GPC3: variants seen among roughly 807,000 people sequenced by gnomAD.
GPC3 encodes the protein glypican 3.
Under a neutral mutation model 34.4 loss-of-function variants are expected in GPC3, and 3 were observed. The ratio of observed to expected loss-of-function variants is 0.09; its 90% CI spans 0.04 to 0.23. The LOEUF (loss-of-function observed/expected upper bound fraction) is 0.23, where lower values mean the gene tolerates loss of function less well. GPC3 is among the 10% of genes least tolerant of loss of function. The pLI, the probability that GPC3 is intolerant of heterozygous loss-of-function variation, is 1.00. For missense variants in GPC3, 351 were observed against 445.6 expected, an observed-to-expected ratio of 0.79 and a Z score of 1.91; for synonymous variants, 177 against 174.0, an observed-to-expected ratio of 1.02 and a Z score of -0.13.
At chrX:133,615,553 A>T (rs1005637674) in intron 6 of GPC3, among the ~76,000 whole-genome samples, 9 of 110,144 alleles carry the variant, frequency 8.2e-5, no homozygotes, top group African/African-American at 2.6e-4. Flanking sequence ...GAGCTGAACA[A>T]TGAGAGCACA....
rs145724491 is a variant in GPC3, at chrX:133,579,180, C to T, written c.1573+17260G>A. Among the ~76,000 whole-genome samples, 1,013 of 112,259 alleles carry T rather than the reference C, an allele frequency of 9.0e-3. 15 individuals are homozygous for T. The highest frequency in any genetic ancestry group is 0.029 in the African/African-American group (908 of 30,876). ...GTTTCAGACTCAGCTCAGTTTCTGA[C>T]GACCCAAGGCTGGGTGTGAAGCTTT... On this transcript the variant is annotated intron_variant, in intron 7 of 7. Transcript: ENST00000370818.
At chrX:133,631,352 T>C (rs1000712681) in intron 6 of GPC3, among the ~76,000 whole-genome samples, 2 of 112,072 alleles carry the variant, frequency 1.8e-5, no homozygotes. Flanking sequence ...AGTCAAACAA[T>C]ATTTGTCCTT....
At chrX:133,749,884 C>T (rs1318610856) in intron 3 of GPC3, among the ~76,000 whole-genome samples, 1 of 111,084 alleles carries the variant, frequency 9.0e-6, no homozygotes, top group Non-Finnish European at 1.9e-5. Context: ...TCTGCAGCTC[C>T]GACTCCCCCT....
intron 7 of GPC3, 41 bp from the exon 8 acceptor site, chrX:133,536,334 C>T (rs1353874869): frequency 1.3e-5 from 13 of 1,022,670 alleles, no homozygotes; most frequent in Non-Finnish European, 1.5e-5. Context: ...CAAGTCTACC[C>T]ATAGCCTCAG....
chrX:133,763,162 G>A, intron 2 of GPC3: 1 of 721,944 alleles, frequency 1.4e-6, no homozygotes, highest in Non-Finnish European at 2.2e-6. Context: ...GCAGCTTCTT[G>A]TGGTTACTGA....
chrX:133,558,895 A>ATAAG lies in GPC3; in HGVS notation c.1574-22606_1574-22603dup, dbSNP rs201130203. ...AACAGAGCAAGACTCTGTCTCAAAA[A>ATAAG]TAAGTAAGTAAATAAATAAATAAAT... On this transcript the variant is annotated intron_variant, in intron 7 of 7. Transcript: ENST00000370818. Among the ~76,000 whole-genome samples, 783 of 101,991 alleles carry ATAAG rather than the reference A, an allele frequency of 7.7e-3. 10 individuals are homozygous for ATAAG. Among genetic ancestry groups the ATAAG allele is most frequent in the African/African-American group, 0.028 (723 of 25,473 alleles). The allele number at this position is 101,991 out of a possible 115,157, so 88.6% of individuals were successfully genotyped here.
chrX:133,539,576 T>C (rs1185203266), intron 7 of GPC3, among the ~76,000 whole-genome samples: 1 of 112,378 alleles, frequency 8.9e-6, no homozygotes, highest in Non-Finnish European at 1.9e-5. Flanking sequence ...TCAACAATGA[T>C]GGCCAAAGCC....
chrX:133,860,139 CT>C (rs772193586), intron 2 of GPC3, among the ~76,000 whole-genome samples: 1 of 111,820 alleles, frequency 8.9e-6, no homozygotes, highest in East Asian at 2.8e-4. Flanking sequence ...CAACATGAGA[CT>C]TGGCAGGGAC....
chrX:133,919,597 G>A (rs1475093206), intron 2 of GPC3, among the ~76,000 whole-genome samples: 14 of 111,043 alleles, frequency 1.3e-4, no homozygotes, highest in Non-Finnish European at 3.8e-5. Flanking sequence ...TAAGGTGGGA[G>A]GATTGCCTGA....
At chrX:133,703,749 C>T (rs1055220628) in intron 3 of GPC3, among the ~76,000 whole-genome samples, 7 of 111,894 alleles carry the variant, frequency 6.3e-5, no homozygotes, top group Non-Finnish European at 9.4e-5. Flanking sequence ...CGTGAGCCAC[C>T]GCGCCCAGCC....
rs1049965977 is a variant in GPC3, at chrX:133,587,540, T to C, written c.1573+8900A>G. Among the ~76,000 whole-genome samples the C allele has an allele frequency of 3.6e-5, 4 of 112,148 alleles. No homozygotes were observed. The Admixed American group carries it at 3.8e-4, about 11-fold the overall frequency. On this transcript the variant is annotated intron_variant, in intron 7 of 7. Transcript: ENST00000370818. ...TCTCCACACTGTTCTTTATAGTAGC[T>C]GTACTAGTGTATATTGCCACCAACA...
At chrX:133,940,808 C>T (rs987161296) in intron 2 of GPC3, among the ~76,000 whole-genome samples, 5 of 112,548 alleles carry the variant, frequency 4.4e-5, no homozygotes, top group South Asian at 3.7e-4. Flanking sequence ...CCAGAAAGAA[C>T]ATACTTTGTT....
chrX:133,872,540 C>A (rs1377513372), intron 2 of GPC3, among the ~76,000 whole-genome samples: 1 of 111,634 alleles, frequency 9.0e-6, no homozygotes, highest in Admixed American at 9.5e-5. Context: ...ACCCAACCAT[C>A]TTTTTCTCAC....
intron 2 of GPC3, among the ~76,000 whole-genome samples, chrX:133,938,911 C>T (rs2076333459): frequency 8.9e-6 from 1 of 111,826 alleles, no homozygotes; most frequent in Non-Finnish European, 1.9e-5. Flanking sequence ...TGTTGAAAAC[C>T]TCATCTGGCA....
At chrX:133,596,352 G>A in intron 7 of GPC3, 88 bp downstream of exon 7, 1 of 784,625 alleles carries the variant, frequency 1.3e-6, no homozygotes, top group Admixed American at 2.2e-5. Context: ...GGGAATGTAA[G>A]GGAATTGCAG....
intron 7 of GPC3, among the ~76,000 whole-genome samples, chrX:133,558,277 C>A (rs2069508694): frequency 1.2e-5 from 1 of 84,561 alleles, no homozygotes; most frequent in Non-Finnish European, 2.2e-5. Context: ...GTTTAGGAGG[C>A]TCCCTTTTCA....
At chrX:133,740,197 T>C (rs2071550577) in intron 3 of GPC3, among the ~76,000 whole-genome samples, 1 of 112,168 alleles carries the variant, frequency 8.9e-6, no homozygotes, top group Admixed American at 9.5e-5. Flanking sequence ...CATGCATTAA[T>C]TGTTTTTAAA....
At chrX:133,636,670 GTAAA>G (rs774381424) in intron 6 of GPC3, among the ~76,000 whole-genome samples, 1 of 111,013 alleles carries the variant, frequency 9.0e-6, no homozygotes, top group Non-Finnish European at 1.9e-5. Context: ...CTGTCTCAAA[GTAAA>G]TAAATAAATA....
intron 2 of GPC3, among the ~76,000 whole-genome samples, chrX:133,897,468 T>G (rs1490346192): frequency 9.1e-6 from 1 of 110,079 alleles, no homozygotes; most frequent in African/African-American, 3.3e-5. Context: ...AAGTTGAAAT[T>G]TCTTGTTAAA....
Sources: gnomAD v4.1 joint callset for allele counts (sites outside exome capture counted in the v4.1 genomes callset) on GRCh38, gnomAD v4.1.1 for gene constraint, MANE v1.5 for transcripts, NCBI Gene and HGNC (gene_info 2026-07-23, HGNC 2026-07-21) for gene names.